KIF1B: variants seen among roughly 807,000 people sequenced by gnomAD.
The protein encoded by KIF1B is kinesin-like protein KIF1B.
KIF1B carries 76 observed loss-of-function variants against 241.9 expected under a neutral mutation model. The observed-to-expected ratio is 0.31, with a 90% CI of 0.26 to 0.38. KIF1B has a LOEUF of 0.38. KIF1B is among the 10% of genes least tolerant of loss of function. The probability of loss-of-function intolerance (pLI) is 1.00; values close to 1 mark genes in which losing one functional copy is unlikely to be tolerated. For missense variants in KIF1B, 1,622 were observed against 2,271.4 expected (o/e 0.71, Z 5.81); for synonymous variants, 750 against 796.7 (o/e 0.94, Z 0.99).
Position 10,380,033 on chromosome 1 carries a change from TC to T in KIF1B, c.*3448del, listed in dbSNP as rs1356239421. 5 of 228,934 alleles carry T rather than the reference TC, an allele frequency of 2.2e-5. No individual in the cohort carries two copies. Among genetic ancestry groups the T allele is most frequent in the Non-Finnish European group, 4.3e-5 (5 of 115,166 alleles). 14.2% of individuals were successfully genotyped at this position (228,934 alleles called of 1,614,324 possible). Reference sequence around the variant, plus strand: ...CAGTCACATAGACTTCAGACAACTCTCCTATTTTTTATGGATTTTTCAGCTC... The same window carrying T: ...CAGTCACATAGACTTCAGACAACTCTCTATTTTTTATGGATTTTTCAGCTC... On this transcript the variant is annotated 3_prime_UTR_variant, in exon 49 of 49. Coordinates refer to ENST00000676179, the MANE Select transcript of KIF1B (RefSeq NM_001365951.3).
intron 45 of KIF1B, among the ~76,000 whole-genome samples, chr1:10,373,282 G>C (rs910617377): frequency 3.4e-4 from 47 of 137,356 alleles, no homozygotes; most frequent in Middle Eastern, 4.4e-3. Context: ...TTGAGACAGA[G>C]TCTCACTCTG....
intron 9 of KIF1B, 51 bp from the exon 10 acceptor site, chr1:10,272,963 G>A (rs1413518769): frequency 2.1e-6 from 3 of 1,456,478 alleles, no homozygotes; most frequent in African/African-American, 2.8e-5. Flanking sequence ...TTTTCTACTT[G>A]GAGGCTTATC....
chr1:10,213,094 AC>A (rs1209440166), intron 1 of KIF1B, among the ~76,000 whole-genome samples: 1 of 151,880 alleles, frequency 6.6e-6, no homozygotes, highest in Non-Finnish European at 1.5e-5. Flanking sequence ...TGAGAGAAAT[AC>A]AGAATGTCTG....
intron 38 of KIF1B, among the ~76,000 whole-genome samples, chr1:10,358,951 A>C (rs971856055): frequency 6.6e-6 from 1 of 152,084 alleles, no homozygotes; most frequent in Non-Finnish European, 1.5e-5. Flanking sequence ...TTGTTTCTCT[A>C]TCTTCTGTGT....
At position 10,371,180 on chromosome 1, in the gene KIF1B, T is replaced by C; in HGVS notation, c.4864T>C (p.Ser1622Pro). ...TCCAATTGGACGGGATCCCTCTGAG[T>C]CCAGTTTCAGCAGTGCCACCCTCAC... ...ISPIGRDPSESSFSSATLTPS... is the reference protein window; with the variant it reads ...ISPIGRDPSEPSFSSATLTPS... The change falls in exon 45 of 49, where the codon TCC becomes CCC. Residue 1622 changes from serine to proline, a missense_variant. By Grantham distance (74) the Ser-to-Pro change is moderately conservative (BLOSUM62 -1). Transcript: ENST00000676179. 11 of 1,614,088 alleles carry C rather than the reference T, an allele frequency of 6.8e-6. No homozygotes were observed. The highest frequency in any genetic ancestry group is 9.3e-6 in the Non-Finnish European group (11 of 1,180,006).
At chr1:10,289,789 C>A (rs989623066) in intron 15 of KIF1B, among the ~76,000 whole-genome samples, 1 of 152,116 alleles carries the variant, frequency 6.6e-6, no homozygotes, top group African/African-American at 2.4e-5. Flanking sequence ...GAGGCTGGGA[C>A]AGGAGAATCG....
chr1:10,321,285 G>A (rs1234009790), intron 23 of KIF1B, among the ~76,000 whole-genome samples: 1 of 151,798 alleles, frequency 6.6e-6, no homozygotes, highest in Non-Finnish European at 1.5e-5. Context: ...TGTAATTTTA[G>A]TAGAGATGTG....
intron 34 of KIF1B, chr1:10,344,787 T>G (rs1330127348): frequency 6.6e-6 from 1 of 152,218 alleles, no homozygotes; most frequent in African/African-American, 2.4e-5. Flanking sequence ...ATGATTGCTT[T>G]TCAAGATAGT....
intron 2 of KIF1B, among the ~76,000 whole-genome samples, chr1:10,236,058 G>T (rs1392299132): frequency 6.6e-6 from 1 of 151,894 alleles, no homozygotes; most frequent in Non-Finnish European, 1.5e-5. Flanking sequence ...GGATCACGAG[G>T]TCAGAAGTTT....
At chr1:10,230,581 G>A (rs190981201) in intron 1 of KIF1B, among the ~76,000 whole-genome samples, 2,613 of 151,988 alleles carry the variant, frequency 0.017, 85 homozygotes, top group African/African-American at 0.06. Flanking sequence ...GATTACAGGT[G>A]TGTGCCACCA....
At chr1:10,220,176 C>T (rs538277732) in intron 1 of KIF1B, among the ~76,000 whole-genome samples, 19 of 150,676 alleles carry the variant, frequency 1.3e-4, no homozygotes, top group African/African-American at 4.4e-4. Context: ...TGCACTCCAG[C>T]CTGGGCAACA....
intron 1 of KIF1B, chr1:10,227,768 A>G (rs1286856768): frequency 6.5e-6 from 1 of 154,274 alleles, no homozygotes; most frequent in Admixed American, 6.6e-5. Context: ...AGATCGTGCC[A>G]CTGCACTTCA....
At chr1:10,270,523 A>G (rs74374877) in intron 7 of KIF1B, among the ~76,000 whole-genome samples, 4 of 152,226 alleles carry the variant, frequency 2.6e-5, no homozygotes, top group South Asian at 2.1e-4. Context: ...GATTATTACA[A>G]ACGAAGCTGA....
chr1:10,211,360 T>G (rs1281873583), intron 1 of KIF1B, among the ~76,000 whole-genome samples: 3 of 152,154 alleles, frequency 2.0e-5, no homozygotes, highest in Non-Finnish European at 2.9e-5. Context: ...CGCTTGGCGC[T>G]GGGGGAGCCG....
In KIF1B at chr1:10,379,445, G is replaced by C. The variant is rs546229540; in HGVS notation, c.*2858G>C. On this transcript the variant is annotated 3_prime_UTR_variant, in exon 49 of 49. Transcript: ENST00000676179. ...CTGGCAGGTGCAGACAGCCTTTGCTGGTCCCCAGCACGTCCAGGGTGGGTG... is the reference window on the plus strand; with the variant it reads ...CTGGCAGGTGCAGACAGCCTTTGCTCGTCCCCAGCACGTCCAGGGTGGGTG... 1.1e-3 allele frequency: 255 copies of C among 231,818 alleles called. 1 individual carries two copies. The highest frequency in any genetic ancestry group is 5.0e-3 in the Admixed American group (88 of 17,736). 14.4% of individuals were successfully genotyped at this position (231,818 alleles called of 1,614,324 possible). A position where few individuals can be genotyped will look rare whatever the true frequency, so the allele number is the denominator to read the frequency against.
intron 48 of KIF1B, 130 bp downstream of exon 48, chr1:10,375,503 C>T: frequency 1.3e-6 from 1 of 762,002 alleles, no homozygotes. Context: ...CCTGACTCAG[C>T]CTCCCCAGTA....
At chr1:10,260,601 A>C (rs1648076507) in intron 4 of KIF1B, among the ~76,000 whole-genome samples, 1 of 152,218 alleles carries the variant, frequency 6.6e-6, no homozygotes, top group Non-Finnish European at 1.5e-5. Context: ...ATGGTGGCTC[A>C]TGCCTGTAAT....
In KIF1B at chr1:10,303,894, T is replaced by C; in HGVS notation, c.2115+6648T>C. 1 of 1,614,208 alleles carries C rather than the reference T, an allele frequency of 6.2e-7. No individual in the cohort carries two copies. The highest frequency in any genetic ancestry group is 8.5e-7 in the Non-Finnish European group (1 of 1,180,030). On this transcript the variant is annotated intron_variant, in intron 22 of 48. Coordinates refer to ENST00000676179, the MANE Select transcript of KIF1B (RefSeq NM_001365951.3). This position sits in a 1 kb window ranked among gnomAD's most constrained non-coding sequence, Gnocchi z 5.2. ...ATGGAGAACTTGCAAAAGAAGAACG[T>C]GTTTCCCAGCTGATGAATGGGGATC...
intron 45 of KIF1B, among the ~76,000 whole-genome samples, chr1:10,372,789 C>T (rs1638781645): frequency 6.7e-6 from 1 of 149,312 alleles, no homozygotes; most frequent in South Asian, 2.1e-4. Flanking sequence ...GCCACCACAC[C>T]CAGCTAATTT....
Sources: gnomAD v4.1 joint callset for allele counts (sites outside exome capture counted in the v4.1 genomes callset) on GRCh38, gnomAD v4.1.1 for gene constraint, Gnocchi (gnomAD v3.1) non-coding constraint, MANE v1.5 for transcripts, NCBI Gene and HGNC (gene_info 2026-07-23, HGNC 2026-07-21) for gene names.